WDFY4: variants seen among roughly 807,000 people sequenced by gnomAD.
WDFY4 encodes WD repeat- and FYVE domain-containing protein 4.
A neutral mutation model predicts 351.9 loss-of-function variants in WDFY4; 169 were observed. That is an observed-to-expected ratio of 0.48 (90% CI 0.42 to 0.55). The LOEUF (loss-of-function observed/expected upper bound fraction) is 0.55, where lower values mean the gene tolerates loss of function less well. Ranked by LOEUF, WDFY4 falls within the 20% of genes least tolerant of loss-of-function variation. WDFY4 has a pLI of 0.00. For synonymous variants in WDFY4, 1,622 were observed against 1,574.6 expected, an observed-to-expected ratio of 1.03 and a Z score of -0.71; for missense variants, 3,803 against 3,935.6, an observed-to-expected ratio of 0.97 and a Z score of 0.90.
At chr10:48,754,525 T>C (rs2065275045) in intron 12 of WDFY4, among the ~76,000 whole-genome samples, 1 of 151,768 alleles carries the variant, frequency 6.6e-6, no homozygotes, top group Non-Finnish European at 1.5e-5. Context: ...CTTTCTTGGC[T>C]CTTTTTTTCT....
At chr10:48,828,352 G>A (rs1488725162) in intron 36 of WDFY4, among the ~76,000 whole-genome samples, 3 of 152,290 alleles carry the variant, frequency 2.0e-5, no homozygotes, top group East Asian at 3.9e-4. Context: ...GTTCTTCTAA[G>A]TGCAGGGCCC....
At chr10:48,763,706 C>CT (rs1565171398) in intron 13 of WDFY4, among the ~76,000 whole-genome samples, 1 of 152,338 alleles carries the variant, frequency 6.6e-6, no homozygotes, top group South Asian at 2.1e-4. Context: ...GAGCGAGTTA[C>CT]TTTTTCTATA....
chr10:48,686,060 G>A (rs1276822110), intron 1 of WDFY4, among the ~76,000 whole-genome samples: 2 of 152,082 alleles, frequency 1.3e-5, no homozygotes, highest in Non-Finnish European at 2.9e-5. Context: ...CGGGTAAGGG[G>A]CATGCCTGGG....
chr10:48,776,971 G>T lies in WDFY4; in HGVS notation c.3085G>T (p.Val1029Leu). The change falls in exon 16 of 62, where the codon GTG (valine) becomes TTG (leucine). Residue 1029 changes from valine (V) to leucine (L), a missense_variant. Val to Leu is a conservative substitution (Grantham distance 32, BLOSUM62 1). This residue lies in a region of WDFY4 where 3,054 missense variants were observed against 3,148.6 expected (regional missense o/e 0.97). Coordinates refer to ENST00000325239, the MANE Select transcript of WDFY4 (RefSeq NM_001394531.1). ...ATCGTTTGTGGAATTTGACATGTCCGTGGAAGGTTATGGGTATGACAGGCT... is the reference window on the plus strand; with the variant it reads ...ATCGTTTGTGGAATTTGACATGTCCTTGGAAGGTTATGGGTATGACAGGCT... The part of the protein sequence containing the change: ...APSFVEFDMS[V>L]EGYGCLFIPT... 6.4e-7 allele frequency: 1 copy of T among 1,552,230 alleles called. No homozygotes were observed. The highest frequency in any genetic ancestry group is 8.7e-7 in the Non-Finnish European group (1 of 1,147,084).
chr10:48,943,495 C>T (rs746098761), intron 49 of WDFY4, 46 bp downstream of exon 49: 4 of 1,537,156 alleles, frequency 2.6e-6, no homozygotes, highest in East Asian at 2.5e-5. Context: ...GGTGTTCGGA[C>T]GTTGATAACA....
chr10:48,881,961 T>C (rs564769919), intron 43 of WDFY4, among the ~76,000 whole-genome samples: 68 of 152,364 alleles, frequency 4.5e-4, no homozygotes, highest in African/African-American at 1.6e-3. Context: ...TGATGATTTC[T>C]GAGCCTTCCT....
At position 48,790,849 on chromosome 10, in the gene WDFY4, G is replaced by A. The variant is rs951592155; in HGVS notation, c.4189G>A (p.Val1397Ile). ...CCATACCATGTATGCGGCTGTGAAAGTTCTGCACTCGGTCCTGACCAGTAA... is the reference window on the plus strand; with the variant it reads ...CCATACCATGTATGCGGCTGTGAAAATTCTGCACTCGGTCCTGACCAGTAA... Reference protein sequence around the residue: ...DDHTMYAAVKVLHSVLTSNAM... With the variant: ...DDHTMYAAVKILHSVLTSNAM... Residue 1397 changes from valine (V) to isoleucine (I), a missense_variant, in exon 23 of 62, where the codon GTT (valine) becomes ATT (isoleucine). Val to Ile is a conservative substitution (Grantham distance 29). This residue lies in a region of WDFY4 where 3,054 missense variants were observed against 3,148.6 expected (regional missense o/e 0.97). Coordinates refer to ENST00000325239, the MANE Select transcript of WDFY4 (RefSeq NM_001394531.1). 8.4e-6 allele frequency: 13 copies of A among 1,551,662 alleles called. No individual in the cohort carries two copies. The highest frequency in any genetic ancestry group is 1.1e-5 in the Non-Finnish European group (13 of 1,147,024).
intron 47 of WDFY4, among the ~76,000 whole-genome samples, chr10:48,923,163 A>G (rs1342898814): frequency 6.6e-6 from 1 of 152,100 alleles, no homozygotes; most frequent in East Asian, 1.9e-4. Context: ...TTAAGCCCCC[A>G]CACAACCAGT....
At chr10:48,880,537 C>T (rs958940209) in intron 43 of WDFY4, among the ~76,000 whole-genome samples, 8 of 152,192 alleles carry the variant, frequency 5.3e-5, no homozygotes, top group African/African-American at 1.4e-4. Flanking sequence ...AGTGGGGATC[C>T]GCAGGATGTG....
intron 12 of WDFY4, among the ~76,000 whole-genome samples, chr10:48,755,719 C>G (rs1489671047): frequency 3.9e-5 from 6 of 152,070 alleles, no homozygotes; most frequent in African/African-American, 9.7e-5. Context: ...ACTTATGTGT[C>G]TAGCTTTTCA....
chr10:48,970,903 T>C (rs555489858), intron 57 of WDFY4, among the ~76,000 whole-genome samples: 7 of 152,198 alleles, frequency 4.6e-5, no homozygotes, highest in Non-Finnish European at 1.0e-4. Flanking sequence ...CCAGCCCTCA[T>C]AGAGAATGCT....
intron 53 of WDFY4, 97 bp from the exon 54 acceptor site, chr10:48,963,745 C>A: frequency 7.7e-7 from 1 of 1,297,786 alleles, no homozygotes; most frequent in Non-Finnish European, 1.1e-6. Flanking sequence ...CTGTGCAGGG[C>A]CAGCACTCTG....
At chr10:48,792,751 A>G (rs1239581819) in intron 23 of WDFY4, among the ~76,000 whole-genome samples, 1 of 152,242 alleles carries the variant, frequency 6.6e-6, no homozygotes, top group Non-Finnish European at 1.5e-5. Flanking sequence ...CAAGATTCAC[A>G]TCAAGAACTA....
In WDFY4 at chr10:48,775,800, T is replaced by G; in HGVS notation, c.2857T>G (p.Cys953Gly). 1 of 1,551,610 alleles carries G rather than the reference T, an allele frequency of 6.4e-7. No homozygotes were observed. The highest frequency in any genetic ancestry group is 8.7e-7 in the Non-Finnish European group (1 of 1,146,932). The part of the protein sequence containing the change: ...SSHTHRGNPG[C>G]SGSQTAQGLA... ...TCACACACACAGAGGCAACCCTGGGTGCTCAGGTGAGGACAGTGGCAAGAA... is the reference window on the plus strand; with the variant it reads ...TCACACACACAGAGGCAACCCTGGGGGCTCAGGTGAGGACAGTGGCAAGAA... Residue 953 changes from cysteine (C) to glycine (G), a missense_variant, in exon 15 of 62, where the codon TGC becomes GGC. Around this residue, in one of 3 missense-constraint regions of WDFY4, gnomAD observed 3,054 missense variants for 3,148.6 expected, o/e 0.97. Coordinates refer to ENST00000325239, the MANE Select transcript of WDFY4 (RefSeq NM_001394531.1).
At position 48,947,048 on chromosome 10, in the gene WDFY4, G is replaced by A. The variant is rs958087268; in HGVS notation, c.7977+79G>A. On this transcript the variant is annotated intron_variant, in intron 51 of 61. Coordinates refer to ENST00000325239, the MANE Select transcript of WDFY4 (RefSeq NM_001394531.1). ...CGCCTGTATCACAAGACTAAGACCTGTGCTTGAACAAAGACAGGATGCCTC... is the reference window on the plus strand; with the variant it reads ...CGCCTGTATCACAAGACTAAGACCTATGCTTGAACAAAGACAGGATGCCTC... 6.7e-6 allele frequency: 8 copies of A among 1,196,076 alleles called. No individual in the cohort carries two copies. The African/African-American group carries it at 1.2e-4, about 18-fold the overall frequency. 74.1% of individuals were successfully genotyped at this position (1,196,076 alleles called of 1,614,324 possible).
At chr10:48,863,581 G>T (rs979575586) in intron 39 of WDFY4, among the ~76,000 whole-genome samples, 5 of 151,768 alleles carry the variant, frequency 3.3e-5, no homozygotes, top group Admixed American at 2.0e-4. Context: ...AAGTATTTTT[G>T]TATATTCTAG....
At chr10:48,876,902 A>C in intron 42 of WDFY4, 131 bp from the exon 43 acceptor site, 3 of 882,632 alleles carry the variant, frequency 3.4e-6, no homozygotes, top group Non-Finnish European at 4.8e-6. Flanking sequence ...GGGCACAGTG[A>C]GAGATCCACG....
intron 39 of WDFY4, among the ~76,000 whole-genome samples, chr10:48,854,914 A>C (rs1355229652): frequency 1.3e-5 from 2 of 152,344 alleles, no homozygotes; most frequent in Non-Finnish European, 2.9e-5. Flanking sequence ...ACCATAATAG[A>C]AAAAAGTCTG....
At chr10:48,726,747 G>A (rs1401942934) in intron 6 of WDFY4, among the ~76,000 whole-genome samples, 2 of 152,230 alleles carry the variant, frequency 1.3e-5, no homozygotes, top group Admixed American at 1.3e-4. Flanking sequence ...TTGCAGCTGA[G>A]AGGCTGAGCT....
Sources: gnomAD v4.1 joint callset for allele counts (sites outside exome capture counted in the v4.1 genomes callset) on GRCh38, gnomAD v4.1.1 for gene constraint, gnomAD v4.1.1 regional missense constraint, MANE v1.5 for transcripts, NCBI Gene and HGNC (gene_info 2026-07-23, HGNC 2026-07-21) for gene names.